The following MLLT3 variants were observed in gnomAD, a reference collection of about 807,000 sequenced individuals.
MLLT3 encodes protein AF-9.
MLLT3 carries 4 observed loss-of-function variants against 53.2 expected under a neutral mutation model. That is an observed-to-expected ratio of 0.08 (90% CI 0.04 to 0.17). MLLT3 has a LOEUF of 0.17. MLLT3 is among the 10% of genes least tolerant of loss of function. The pLI, the probability that MLLT3 is intolerant of heterozygous loss-of-function variation, is 1.00. For synonymous variants in MLLT3, 283 were observed against 230.6 expected, an observed-to-expected ratio of 1.23 and a Z score of -2.06; for missense variants, 569 against 684.0, an observed-to-expected ratio of 0.83 and a Z score of 1.87.
chr9:20,453,510 C>A (rs185551505), intron 3 of MLLT3, among the ~76,000 whole-genome samples: 17 of 152,236 alleles, frequency 1.1e-4, no homozygotes, highest in Admixed American at 1.0e-3. Flanking sequence ...CTGCAGTGAG[C>A]TGAGACTGCG....
chr9:20,408,214 AGATACC>A (rs1822633424), intron 5 of MLLT3, among the ~76,000 whole-genome samples: 1 of 152,088 alleles, frequency 6.6e-6, no homozygotes. Flanking sequence ...TTAAGAACTG[AGATACC>A]ACACTGGCCC....
intron 4 of MLLT3, among the ~76,000 whole-genome samples, chr9:20,445,172 T>A (rs1260763564): frequency 1.3e-5 from 2 of 152,144 alleles, no homozygotes; most frequent in Non-Finnish European, 1.5e-5. Flanking sequence ...GCTGTCTAAT[T>A]TAGAGGAAAC....
At chr9:20,527,647 A>G (rs929202827) in intron 2 of MLLT3, among the ~76,000 whole-genome samples, 4 of 152,220 alleles carry the variant, frequency 2.6e-5, no homozygotes, top group African/African-American at 7.2e-5. Context: ...AGTTCCCACT[A>G]TGGTAGCTCC....
At chr9:20,431,527 C>G (rs1823268242) in intron 4 of MLLT3, among the ~76,000 whole-genome samples, 1 of 152,088 alleles carries the variant, frequency 6.6e-6, no homozygotes, top group Non-Finnish European at 1.5e-5. Flanking sequence ...AAAGGTTAAG[C>G]ATGGTTTATG....
chr9:20,449,629 C>A (rs1823791386), intron 3 of MLLT3, among the ~76,000 whole-genome samples: 1 of 152,116 alleles, frequency 6.6e-6, no homozygotes, highest in Non-Finnish European at 1.5e-5. Context: ...GGTCTTTGCA[C>A]CTGAAACTCT....
intron 10 of MLLT3, among the ~76,000 whole-genome samples, chr9:20,353,302 C>A (rs1477758443): frequency 6.6e-6 from 1 of 152,188 alleles, no homozygotes; most frequent in African/African-American, 2.4e-5. Context: ...CCAGTTCTCA[C>A]CATCCACTGC....
intron 5 of MLLT3, among the ~76,000 whole-genome samples, chr9:20,375,398 G>C (rs1397384767): frequency 6.6e-6 from 1 of 152,156 alleles, no homozygotes; most frequent in Non-Finnish European, 1.5e-5. Flanking sequence ...AGGGAAGAAA[G>C]TTTTGTCACT....
At chr9:20,489,028 A>G (rs10964573) in intron 2 of MLLT3, among the ~76,000 whole-genome samples, 29,678 of 152,182 alleles carry the variant, frequency 0.2, 3,067 homozygotes, top group African/African-American at 0.25. Context: ...ACATATTTTT[A>G]GACAGTATCT....
intron 2 of MLLT3, among the ~76,000 whole-genome samples, chr9:20,461,380 A>G (rs1053973880): frequency 6.6e-6 from 1 of 152,222 alleles, no homozygotes; most frequent in Non-Finnish European, 1.5e-5. Context: ...GGGGGAAAAG[A>G]AAATGATCTG....
At chr9:20,609,629 C>T (rs560031816) in intron 2 of MLLT3, among the ~76,000 whole-genome samples, 1 of 152,258 alleles carries the variant, frequency 6.6e-6, no homozygotes, top group East Asian at 1.9e-4. Flanking sequence ...TTCCTATCAA[C>T]ACTGGGTGGT....
chr9:20,548,042 G>C (rs536985565), intron 2 of MLLT3, among the ~76,000 whole-genome samples: 1 of 152,158 alleles, frequency 6.6e-6, no homozygotes, highest in East Asian at 1.9e-4. Context: ...TACTTGACTT[G>C]TATCTAGAGT....
rs559214122 is a variant in MLLT3 at position 20,400,194 on chromosome 9, T to TA, written c.1125+13526dup. Among the ~76,000 whole-genome samples, 12 of 152,232 alleles carry TA rather than the reference T, an allele frequency of 7.9e-5. No homozygotes were observed. In the South Asian group the frequency reaches 1.7e-3, roughly 21 times the overall value. On this transcript the variant is annotated intron_variant, in intron 5 of 10. Transcript: ENST00000380338. ...ATGATTCTAACTTTGACTATTGACTTACAGAAAATACACCATGAAGATACT... is the reference window on the plus strand; with the variant it reads ...ATGATTCTAACTTTGACTATTGACTTAACAGAAAATACACCATGAAGATACT...
chr9:20,600,351 C>T (rs550829541), intron 2 of MLLT3, among the ~76,000 whole-genome samples: 1 of 152,290 alleles, frequency 6.6e-6, no homozygotes, highest in African/African-American at 2.4e-5. Context: ...TGCTATCCTC[C>T]ATGTTTACTG....
intron 4 of MLLT3, among the ~76,000 whole-genome samples, chr9:20,424,927 T>C (rs569937805): frequency 3.9e-5 from 6 of 152,326 alleles, no homozygotes; most frequent in Admixed American, 6.5e-5. Context: ...AACATGTATA[T>C]GCAATGTGGC....
intron 5 of MLLT3, among the ~76,000 whole-genome samples, chr9:20,408,704 A>C: frequency 6.6e-6 from 1 of 152,254 alleles, no homozygotes; most frequent in South Asian, 2.1e-4. Flanking sequence ...AGCCACTTTG[A>C]AAACACAATA....
chr9:20,369,146 T>C (rs1037975444), intron 5 of MLLT3, among the ~76,000 whole-genome samples: 3 of 152,160 alleles, frequency 2.0e-5, no homozygotes, highest in Non-Finnish European at 4.4e-5. Flanking sequence ...GGACCAACCA[T>C]GCTGATGAGA....
chr9:20,414,424 T>C lies in MLLT3; in HGVS notation c.422A>G (p.Asp141Gly). 1 of 1,603,480 alleles carries C rather than the reference T, an allele frequency of 6.2e-7. No homozygotes were observed. Among genetic ancestry groups the C allele is most frequent in the South Asian group, 1.1e-5 (1 of 90,498 alleles). Residue 141 changes from aspartate to glycine, a missense_variant and splice_region_variant, in exon 5 of 11, where the codon GAC becomes GGC. Transcript: ENST00000380338. ...FRRKLLKAGGDPNRSIHTSSS... is the reference protein window; with the variant it reads ...FRRKLLKAGGGPNRSIHTSSS... ...GCTGGTATGAATACTCCTATTAGGG[T>C]CCTGCAAAAAGGGGAGAAGAAAATG... is the stretch of plus-strand genomic sequence containing the variant.
intron 2 of MLLT3, among the ~76,000 whole-genome samples, chr9:20,470,880 G>A (rs780963095): frequency 1.3e-5 from 2 of 151,898 alleles, no homozygotes; most frequent in Non-Finnish European, 2.9e-5. Context: ...ATCAAACATT[G>A]CAAATAAGTC....
At chr9:20,531,317 G>C (rs985919206) in intron 2 of MLLT3, among the ~76,000 whole-genome samples, 6 of 151,872 alleles carry the variant, frequency 4.0e-5, no homozygotes, top group African/African-American at 1.5e-4. Flanking sequence ...TGTGTTTTTA[G>C]TAGAGACAGC....
Sources: gnomAD v4.1 joint callset for allele counts (sites outside exome capture counted in the v4.1 genomes callset) on GRCh38, gnomAD v4.1.1 for gene constraint, MANE v1.5 for transcripts, NCBI Gene and HGNC (gene_info 2026-07-23, HGNC 2026-07-21) for gene names.